Variants in CACNA2D3 observed in about 807,000 individuals in gnomAD.
The protein encoded by CACNA2D3 is calcium voltage-gated channel auxiliary subunit alpha2delta 3.
CACNA2D3 carries 60 observed loss-of-function variants against 160.6 expected under a neutral mutation model. The ratio of observed to expected loss-of-function variants is 0.37; its 90% CI spans 0.30 to 0.46. CACNA2D3 has a LOEUF of 0.46. Ranked by LOEUF, CACNA2D3 falls within the 20% of genes least tolerant of loss-of-function variation. The pLI, the probability that CACNA2D3 is intolerant of heterozygous loss-of-function variation, is 1.00. For missense variants in CACNA2D3, 1,205 were observed against 1,365.0 expected (o/e 0.88, Z 1.85); for synonymous variants, 558 against 492.9 (o/e 1.13, Z -1.75).
intron 27 of CACNA2D3, chr3:54,924,631 A>C (rs746043735): frequency 6.2e-7 from 1 of 1,613,644 alleles, no homozygotes; most frequent in Non-Finnish European, 8.5e-7. Flanking sequence ...TTATAGACAA[A>C]TTTCTCCAGC....
At chr3:54,511,264 T>C (rs995724601) in intron 5 of CACNA2D3, among the ~76,000 whole-genome samples, 1 of 152,148 alleles carries the variant, frequency 6.6e-6, no homozygotes, top group African/African-American at 2.4e-5. Context: ...GTTTTGTCTC[T>C]CCTTCTGTTA....
In CACNA2D3 at chr3:54,123,506, C is replaced by T. The variant is rs1250888468; in HGVS notation, c.123-7C>T. Reference sequence around the variant, plus strand: ...TACATATCTTCCTGTGCCCCTTCTCCCTGTAGGGTGAAGCTCTGGGCCTCG... The same window carrying T: ...TACATATCTTCCTGTGCCCCTTCTCTCTGTAGGGTGAAGCTCTGGGCCTCG... On this transcript the variant is annotated splice_polypyrimidine_tract_variant and splice_region_variant and intron_variant, in intron 1 of 37. Transcript: ENST00000474759. 3.7e-6 allele frequency: 6 copies of T among 1,612,016 alleles called. No homozygotes were observed. Among genetic ancestry groups the T allele is most frequent in the Non-Finnish European group, 5.1e-6 (6 of 1,178,124 alleles).
intron 35 of CACNA2D3, among the ~76,000 whole-genome samples, chr3:55,023,182 C>T (rs1703497270): frequency 6.6e-6 from 1 of 152,068 alleles, no homozygotes; most frequent in East Asian, 1.9e-4. Context: ...TCACTTTTAG[C>T]CTTGTACCTT....
At chr3:54,678,876 T>C (rs1411589005) in intron 11 of CACNA2D3, among the ~76,000 whole-genome samples, 1 of 152,132 alleles carries the variant, frequency 6.6e-6, no homozygotes, top group Non-Finnish European at 1.5e-5. Context: ...ATTAGGCAAG[T>C]GTAGCAGTGG....
chr3:54,733,568 A>T (rs1399661357), intron 11 of CACNA2D3, among the ~76,000 whole-genome samples: 1 of 152,232 alleles, frequency 6.6e-6, no homozygotes, highest in Non-Finnish European at 1.5e-5. Context: ...ATGAAGGTTA[A>T]CATTAGGCCT....
At chr3:55,067,716 G>GATACATACATACATACATACATAC (rs59985203) in intron 35 of CACNA2D3, among the ~76,000 whole-genome samples, 59 of 151,204 alleles carry the variant, frequency 3.9e-4, no homozygotes, top group African/African-American at 1.3e-3. Flanking sequence ...CCATGCATTA[G>GATACATACATACATACATACATAC]ATACATACAT....
At chr3:54,343,945 C>T (rs1168531514) in intron 3 of CACNA2D3, among the ~76,000 whole-genome samples, 1 of 152,084 alleles carries the variant, frequency 6.6e-6, no homozygotes, top group African/African-American at 2.4e-5. Flanking sequence ...GATATTTATA[C>T]AGTATAATAT....
chr3:54,510,358 C>T (rs941308026), intron 5 of CACNA2D3, among the ~76,000 whole-genome samples: 2 of 152,116 alleles, frequency 1.3e-5, no homozygotes, highest in Admixed American at 6.5e-5. Flanking sequence ...GACAATGACC[C>T]CATGTGTTAT....
At chr3:54,350,682 C>T (rs970936605) in intron 3 of CACNA2D3, among the ~76,000 whole-genome samples, 1 of 152,206 alleles carries the variant, frequency 6.6e-6, no homozygotes, top group Non-Finnish European at 1.5e-5. Context: ...ATTGTATCCT[C>T]TTGCTCACAA....
At chr3:54,263,735 C>T (rs983222902) in intron 2 of CACNA2D3, among the ~76,000 whole-genome samples, 24 of 152,232 alleles carry the variant, frequency 1.6e-4, no homozygotes, top group East Asian at 5.8e-4. Context: ...CGCTAGACCC[C>T]GGCAACACAG....
chr3:55,022,444 T>G (rs1703476344), intron 35 of CACNA2D3, among the ~76,000 whole-genome samples: 1 of 152,146 alleles, frequency 6.6e-6, no homozygotes, highest in Admixed American at 6.5e-5. Flanking sequence ...CTTTTAAAAT[T>G]TATGGTGCTT....
intron 2 of CACNA2D3, among the ~76,000 whole-genome samples, chr3:54,233,002 G>A (rs772892231): frequency 6.6e-6 from 1 of 152,158 alleles, no homozygotes; most frequent in Non-Finnish European, 1.5e-5. Context: ...ATAGTTATAC[G>A]CAATAAGGTG....
At chr3:54,280,510 G>T (rs559400845) in intron 2 of CACNA2D3, among the ~76,000 whole-genome samples, 40 of 151,964 alleles carry the variant, frequency 2.6e-4, no homozygotes, top group African/African-American at 9.2e-4. Context: ...GTGTAGGGGG[G>T]ACAGAAATGT....
intron 17 of CACNA2D3, among the ~76,000 whole-genome samples, chr3:54,870,849 A>G (rs1426282940): frequency 1.3e-5 from 2 of 152,182 alleles, no homozygotes; most frequent in African/African-American, 4.8e-5. Context: ...GCAAAATGCC[A>G]CCAGTATGCT....
intron 16 of CACNA2D3, among the ~76,000 whole-genome samples, chr3:54,844,128 C>CT (rs1330562040): frequency 2.0e-5 from 3 of 151,920 alleles, no homozygotes; most frequent in African/African-American, 7.3e-5. Flanking sequence ...AAAATGAGTA[C>CT]TTGAGGAATG....
At chr3:54,923,077 T>G (rs1700899551) in intron 27 of CACNA2D3, among the ~76,000 whole-genome samples, 1 of 152,196 alleles carries the variant, frequency 6.6e-6, no homozygotes, top group Non-Finnish European at 1.5e-5. Flanking sequence ...TCCCTGGTTC[T>G]TCTTCTGCAG....
intron 2 of CACNA2D3, among the ~76,000 whole-genome samples, chr3:54,284,917 A>G (rs1432786768): frequency 6.6e-6 from 1 of 152,216 alleles, no homozygotes; most frequent in Non-Finnish European, 1.5e-5. Context: ...GATATGTGGA[A>G]AAGTATGTCA....
intron 4 of CACNA2D3, among the ~76,000 whole-genome samples, chr3:54,462,887 T>A (rs893406859): frequency 1.9e-4 from 29 of 149,690 alleles, no homozygotes; most frequent in African/African-American, 6.8e-4. Flanking sequence ...TCTTTACATT[T>A]TGGCATGATT....
At chr3:54,827,794 T>G (rs1401354125) in intron 14 of CACNA2D3, among the ~76,000 whole-genome samples, 1 of 152,218 alleles carries the variant, frequency 6.6e-6, no homozygotes. Flanking sequence ...GTGAAATAAA[T>G]TAAACGATAG....
Sources: gnomAD v4.1 joint callset for allele counts (sites outside exome capture counted in the v4.1 genomes callset) on GRCh38, gnomAD v4.1.1 for gene constraint, MANE v1.5 for transcripts, NCBI Gene and HGNC (gene_info 2026-07-23, HGNC 2026-07-21) for gene names.